The following HACD2 variants were observed in gnomAD, a reference collection of about 807,000 sequenced individuals.
HACD2 encodes very-long-chain (3R)-3-hydroxyacyl-CoA dehydratase 2.
HACD2 carries 15 observed loss-of-function variants against 31.0 expected under a neutral mutation model. The observed-to-expected ratio is 0.48, with a 90% CI of 0.32 to 0.75. HACD2 has a LOEUF of 0.75. Ranked by LOEUF, HACD2 falls within the 30% of genes least tolerant of loss-of-function variation. HACD2 has a pLI of 0.03. For synonymous variants in HACD2, 115 were observed against 122.2 expected (o/e 0.94, Z 0.39); for missense variants, 283 against 313.0 (o/e 0.90, Z 0.72).
chr3:123,584,749 G>A (rs2057007978), intron 1 of HACD2, 124 bp downstream of exon 1: 2 of 741,298 alleles, frequency 2.7e-6, no homozygotes, highest in Non-Finnish European at 3.9e-6. Flanking sequence ...CCGGGTCCCG[G>A]GCACCCCCCG....
chr3:123,573,567 G>A (rs2056877233), intron 2 of HACD2, among the ~76,000 whole-genome samples: 1 of 152,170 alleles, frequency 6.6e-6, no homozygotes, highest in Non-Finnish European at 1.5e-5. Context: ...AGGGTGAGTG[G>A]TGAGTCTAAC....
intron 4 of HACD2, among the ~76,000 whole-genome samples, chr3:123,528,131 A>C (rs1230401465): frequency 1.3e-5 from 2 of 152,204 alleles, no homozygotes; most frequent in African/African-American, 4.8e-5. Context: ...CATCCACACC[A>C]TCTGAACCTC....
intron 3 of HACD2, among the ~76,000 whole-genome samples, chr3:123,559,322 G>A (rs948592198): frequency 7.9e-5 from 12 of 152,098 alleles, no homozygotes; most frequent in Non-Finnish European, 2.9e-5. Flanking sequence ...GTATTCTGAT[G>A]GGACTTTCAA....
intron 3 of HACD2, among the ~76,000 whole-genome samples, chr3:123,529,007 T>C (rs7631536): frequency 6.5e-4 from 4 of 6,182 alleles, no homozygotes; most frequent in African/African-American, 7.0e-4. Context: ...CTTTAAAACC[T>C]TTTTTTTTTT....
chr3:123,542,243 C>T (rs145525079), intron 3 of HACD2, among the ~76,000 whole-genome samples: 1 of 141,480 alleles, frequency 7.1e-6, no homozygotes, highest in Non-Finnish European at 1.6e-5. Flanking sequence ...CATAAATAGA[C>T]AATTCACACA....
chr3:123,561,785 A>T (rs571801083), intron 3 of HACD2, among the ~76,000 whole-genome samples: 1 of 152,168 alleles, frequency 6.6e-6, no homozygotes, highest in East Asian at 1.9e-4. Context: ...ACGGAAAAAA[A>T]AAAAAACATA....
chr3:123,514,799 T>C (rs528318625), intron 4 of HACD2, among the ~76,000 whole-genome samples: 2 of 152,316 alleles, frequency 1.3e-5, no homozygotes, highest in Admixed American at 1.3e-4. Context: ...TAATGATGAT[T>C]AAGATAATGA....
intron 2 of HACD2, among the ~76,000 whole-genome samples, chr3:123,575,182 T>A (rs764377787): frequency 1.3e-5 from 2 of 151,962 alleles, no homozygotes; most frequent in Non-Finnish European, 2.9e-5. Flanking sequence ...TGACCATAAC[T>A]TACTTCAGCC....
In HACD2 at chr3:123,582,255, A is replaced by G; in HGVS notation, c.230T>C (p.Ile77Thr). The G allele has an allele frequency of 1.2e-6, 2 of 1,608,192 alleles. No individual in the cohort carries two copies. Among genetic ancestry groups the G allele is most frequent in the South Asian group, 1.1e-5 (1 of 89,982 alleles). ...KGSYHSLYYS[I>T]EKPLKFFQTG... Reference sequence around the variant, plus strand: ...TTGAAAGAATTTCAAAGGCTTTTCAATTGAATAATAAAGGCTATGGTAGCT... The same window carrying G: ...TTGAAAGAATTTCAAAGGCTTTTCAGTTGAATAATAAAGGCTATGGTAGCT... Residue 77 changes from isoleucine (I) to threonine (T), a missense_variant, in exon 2 of 7, where the codon ATT (isoleucine) becomes ACT (threonine). Transcript: ENST00000383657.
chr3:123,502,834 C>CT (rs2055921618), intron 4 of HACD2, 153 bp from the exon 5 acceptor site: 4 of 714,692 alleles, frequency 5.6e-6, no homozygotes, highest in Non-Finnish European at 9.0e-6. Flanking sequence ...GCGTGTAGAG[C>CT]TGGGGCCTAG....
intron 3 of HACD2, among the ~76,000 whole-genome samples, chr3:123,537,179 T>C (rs1457455498): frequency 6.6e-6 from 1 of 152,248 alleles, no homozygotes; most frequent in Non-Finnish European, 1.5e-5. Context: ...GAATTAAGAA[T>C]ATTGTCTAAA....
At chr3:123,537,178 ATAT>A (rs2056436473) in intron 3 of HACD2, among the ~76,000 whole-genome samples, 1 of 152,264 alleles carries the variant, frequency 6.6e-6, no homozygotes, top group South Asian at 2.1e-4. Context: ...AGAATTAAGA[ATAT>A]TGTCTAAATG....
chr3:123,525,163 C>T (rs1261915071), intron 4 of HACD2, among the ~76,000 whole-genome samples: 6 of 152,150 alleles, frequency 3.9e-5, no homozygotes, highest in South Asian at 4.1e-4. Context: ...CAGAAGGGGG[C>T]GGGACACAGC....
At chr3:123,523,528 G>A (rs1576748524) in intron 4 of HACD2, among the ~76,000 whole-genome samples, 1 of 152,324 alleles carries the variant, frequency 6.6e-6, no homozygotes, top group African/African-American at 2.4e-5. Flanking sequence ...GCAAGTTGAA[G>A]TGCTTCATCC....
chr3:123,521,416 C>G (rs16834390), intron 4 of HACD2, among the ~76,000 whole-genome samples: 15,035 of 152,092 alleles, frequency 0.099, 1,069 homozygotes, highest in African/African-American at 0.21. Context: ...CCTAGGGGAA[C>G]CTCAGGACCG....
intron 4 of HACD2, among the ~76,000 whole-genome samples, chr3:123,511,432 TAC>T (rs1387254581): frequency 2.0e-5 from 3 of 152,130 alleles, no homozygotes; most frequent in Non-Finnish European, 2.9e-5. Context: ...AGGAACCCTA[TAC>T]AAGAAGAGCC....
chr3:123,521,591 T>G (rs1576746779), intron 4 of HACD2, among the ~76,000 whole-genome samples: 2 of 141,652 alleles, frequency 1.4e-5, no homozygotes, highest in Non-Finnish European at 3.0e-5. Flanking sequence ...GCCCTTGAGG[T>G]GAGAGAGCCA....
chr3:123,550,211 A>G (rs962686159), intron 3 of HACD2, among the ~76,000 whole-genome samples: 2 of 152,214 alleles, frequency 1.3e-5, no homozygotes, highest in African/African-American at 4.8e-5. Flanking sequence ...AGGCTTTAGC[A>G]ATGGCCAGCC....
At chr3:123,564,771 G>T (rs190765642) in intron 3 of HACD2, among the ~76,000 whole-genome samples, 91 of 152,284 alleles carry the variant, frequency 6.0e-4, no homozygotes, top group Non-Finnish European at 2.2e-4. Flanking sequence ...AGTGCTCTGA[G>T]CATTTTGTGC....
Sources: gnomAD v4.1 joint callset for allele counts (sites outside exome capture counted in the v4.1 genomes callset) on GRCh38, gnomAD v4.1.1 for gene constraint, MANE v1.5 for transcripts, NCBI Gene and HGNC (gene_info 2026-07-23, HGNC 2026-07-21) for gene names.